The following TSHZ3 variants were observed in gnomAD, a reference collection of about 807,000 sequenced individuals.
TSHZ3 encodes the protein teashirt homolog 3.
A neutral mutation model predicts 64.5 loss-of-function variants in TSHZ3; 10 were observed. The ratio of observed to expected loss-of-function variants is 0.16; its 90% CI spans 0.10 to 0.26. The LOEUF is 0.26. Among genes scored for constraint, TSHZ3 ranks in the 10% least tolerant of loss-of-function variants. The pLI is 1.00. For missense variants in TSHZ3, 1,242 were observed against 1,421.7 expected (o/e 0.87, Z 2.03); for synonymous variants, 608 against 593.1 (o/e 1.03, Z -0.36).
intron 5 of TSHZ3, among the ~76,000 whole-genome samples, chr19:31,176,601 C>A (rs911832052): frequency 2.0e-5 from 3 of 151,996 alleles, no homozygotes; most frequent in African/African-American, 7.3e-5. Flanking sequence ...TGAGACTGGG[C>A]AACATAGCAA....
Position 31,349,201 on chromosome 19 carries a change from G to C in TSHZ3, c.19C>G (p.Gln7Glu). The stretch of plus-strand genomic sequence containing the variant: ...GTACCTGCTGCGCGCCGGGGCGCCT[G>C]CTGCTTCCTCCTCGGCATGATGCTT... MPRRKQ[Q>E]APRRAAAYVS... The change falls in exon 1 of 2, where the codon CAG becomes GAG. Residue 7 changes from glutamine to glutamate, a missense_variant. Transcript: ENST00000240587. 6.5e-7 allele frequency: 1 copy of C among 1,542,274 alleles called. No individual in the cohort carries two copies. Among genetic ancestry groups the C allele is most frequent in the Non-Finnish European group, 8.7e-7 (1 of 1,144,526 alleles).
At chr19:31,297,092 C>T (rs879302502) in intron 1 of TSHZ3, among the ~76,000 whole-genome samples, 4 of 152,206 alleles carry the variant, frequency 2.6e-5, no homozygotes, top group Non-Finnish European at 5.9e-5. Flanking sequence ...CACCCCTAAC[C>T]ACAGGCAGGG....
At chr19:31,318,625 A>G (rs1916673859) in intron 1 of TSHZ3, among the ~76,000 whole-genome samples, 1 of 152,188 alleles carries the variant, frequency 6.6e-6, no homozygotes, top group Non-Finnish European at 1.5e-5. Flanking sequence ...TATTTTGGGT[A>G]ATTTTTAGTA....
chr19:31,180,242 T>A (rs769658628), intron 5 of TSHZ3, among the ~76,000 whole-genome samples: 3 of 152,080 alleles, frequency 2.0e-5, no homozygotes, highest in Admixed American at 2.0e-4. Flanking sequence ...AATGAATGAA[T>A]GAATGAACGA....
intron 1 of TSHZ3, among the ~76,000 whole-genome samples, chr19:31,250,506 GAAGA>G (rs1236221707): frequency 1.3e-5 from 2 of 152,226 alleles, no homozygotes; most frequent in Non-Finnish European, 2.9e-5. Flanking sequence ...ACCAGTACCT[GAAGA>G]ATGATTACAC....
chr19:31,198,136 A>C (rs1975019402), intron 5 of TSHZ3, among the ~76,000 whole-genome samples: 1 of 152,138 alleles, frequency 6.6e-6, no homozygotes, highest in South Asian at 2.1e-4. Flanking sequence ...ATGCAAAAAC[A>C]GTTCAATATT....
At chr19:31,287,384 C>G (rs1031942506) in intron 1 of TSHZ3, among the ~76,000 whole-genome samples, 6 of 152,278 alleles carry the variant, frequency 3.9e-5, no homozygotes, top group Admixed American at 3.9e-4. Context: ...CCCAGAAGAA[C>G]ACCCCTCTTT....
chr19:31,309,620 C>T (rs988006406), intron 1 of TSHZ3, among the ~76,000 whole-genome samples: 10 of 152,114 alleles, frequency 6.6e-5, no homozygotes, highest in Non-Finnish European at 1.0e-4. Context: ...ACTAAGAAAC[C>T]AAGGTAGGTA....
At chr19:31,234,292 C>T (rs185810781) in intron 3 of TSHZ3, among the ~76,000 whole-genome samples, 13 of 152,128 alleles carry the variant, frequency 8.5e-5, no homozygotes, top group Non-Finnish European at 1.5e-4. Context: ...ATTTTCTATA[C>T]GGATAATGAT....
chr19:31,276,671 T>A lies in TSHZ3; in HGVS notation c.3122A>T (p.Tyr1041Phe). 1 of 1,613,836 alleles carries A rather than the reference T, an allele frequency of 6.2e-7. No homozygotes were observed. The highest frequency in any genetic ancestry group is 8.5e-7 in the Non-Finnish European group (1 of 1,179,726). The change falls in exon 2 of 2, where the codon TAT becomes TTT. Residue 1041 changes from tyrosine to phenylalanine, a missense_variant. Tyr to Phe is a conservative substitution (Grantham distance 22, BLOSUM62 3). Around this residue, in one of 4 missense-constraint regions of TSHZ3, gnomAD observed 126 missense variants for 140.6 expected, o/e 0.90. Coordinates refer to ENST00000240587, the MANE Select transcript of TSHZ3 (RefSeq NM_020856.4). ...SSPEEDLGTS[Y>F]QCKLCNRTFA... ...GGTCCGATTGCAAAGTTTGCACTGA[T>A]AGGAAGTCCCCAGGTCTTCCTCGGG...
chr19:31,303,968 T>A (rs537437520), intron 1 of TSHZ3, among the ~76,000 whole-genome samples: 1 of 132,790 alleles, frequency 7.5e-6, no homozygotes, highest in East Asian at 2.2e-4. Flanking sequence ...CCTCACTCTT[T>A]TTTTTATTTT....
downstream of TSHZ3, among the ~76,000 whole-genome samples, chr19:31,270,191 G>C (rs1054107582): frequency 3.3e-5 from 5 of 152,240 alleles, no homozygotes; most frequent in African/African-American, 1.2e-4. Flanking sequence ...ATAGTAGCAT[G>C]TGAGAATGTT....
chr19:31,247,610 C>T lies in TSHZ3; in HGVS notation n.64-4735G>A, dbSNP rs374480755. On this transcript the variant is annotated intron_variant and non_coding_transcript_variant, in intron 1 of 6. Coordinates refer to the TSHZ3 transcript ENST00000651361. ...AAGGCAACTCACGATCTGTGATTTCCTTCCACCACTAAGGAGAGTGTTAGG... is the reference window on the plus strand; with the variant it reads ...AAGGCAACTCACGATCTGTGATTTCTTTCCACCACTAAGGAGAGTGTTAGG... Among the ~76,000 whole-genome samples the T allele has an allele frequency of 3.3e-5, 5 of 152,290 alleles. No homozygotes were observed. In the South Asian group the frequency reaches 1.0e-3, roughly 32 times the overall value.
At chr19:31,215,535 C>T (rs1024961125) in intron 4 of TSHZ3, among the ~76,000 whole-genome samples, 1 of 152,096 alleles carries the variant, frequency 6.6e-6, no homozygotes, top group African/African-American at 2.4e-5. Flanking sequence ...GTTGTTTTAA[C>T]CATAAAATAA....
intron 1 of TSHZ3, among the ~76,000 whole-genome samples, chr19:31,280,314 A>G (rs1475855397): frequency 6.6e-6 from 1 of 152,128 alleles, no homozygotes. Context: ...CCATTGTAAT[A>G]AGGGAAAAAC....
chr19:31,205,644 C>T (rs892506401), intron 4 of TSHZ3, among the ~76,000 whole-genome samples: 1 of 152,180 alleles, frequency 6.6e-6, no homozygotes, highest in South Asian at 2.1e-4. Context: ...CATTTGTTTC[C>T]AGTCCTTCAC....
intron 1 of TSHZ3, among the ~76,000 whole-genome samples, chr19:31,247,907 T>C (rs1186663002): frequency 3.9e-5 from 6 of 152,114 alleles, no homozygotes; most frequent in Admixed American, 2.0e-4. Context: ...TTCACGCTGC[T>C]GATAAAGACA....
At chr19:31,317,700 C>G (rs1381073817) in intron 1 of TSHZ3, among the ~76,000 whole-genome samples, 1 of 152,240 alleles carries the variant, frequency 6.6e-6, no homozygotes, top group Non-Finnish European at 1.5e-5. Context: ...ACGCCTGCCC[C>G]GCTGCTCCCA....
chr19:31,307,284 T>C (rs1348752930), intron 1 of TSHZ3, among the ~76,000 whole-genome samples: 1 of 117,848 alleles, frequency 8.5e-6, no homozygotes, highest in African/African-American at 3.7e-5. Context: ...TACCCCTTCA[T>C]TTTTTTTTTC....
Sources: gnomAD v4.1 joint callset for allele counts (sites outside exome capture counted in the v4.1 genomes callset) on GRCh38, gnomAD v4.1.1 for gene constraint, gnomAD v4.1.1 regional missense constraint, MANE v1.5 for transcripts, NCBI Gene and HGNC (gene_info 2026-07-23, HGNC 2026-07-21) for gene names.